RNF139: variants seen among roughly 807,000 people sequenced by gnomAD.
RNF139 encodes E3 ubiquitin-protein ligase RNF139.
Under a neutral mutation model 49.5 loss-of-function variants are expected in RNF139, and 15 were observed. The ratio of observed to expected loss-of-function variants is 0.30; its 90% confidence interval spans 0.20 to 0.47. The LOEUF is 0.47. Among genes scored for constraint, RNF139 ranks in the 20% least tolerant of loss-of-function variants. The probability of loss-of-function intolerance (pLI) is 1.00; values close to 1 mark genes in which losing one functional copy is unlikely to be tolerated. For missense variants in RNF139, 619 were observed against 806.3 expected, an observed-to-expected ratio of 0.77 and a Z score of 2.81; for synonymous variants, 325 against 300.9, an observed-to-expected ratio of 1.08 and a Z score of -0.83.
At position 124,486,830 on chromosome 8, in the gene RNF139, T is replaced by G. The variant is rs142948801; in HGVS notation, c.1181T>G (p.Phe394Cys). Residue 394 changes from phenylalanine to cysteine, a missense_variant, in exon 2 of 2, where the codon TTT becomes TGT. Phe to Cys is a radical substitution (Grantham distance 205, BLOSUM62 -2). Coordinates refer to ENST00000303545, the MANE Select transcript of RNF139 (RefSeq NM_007218.4). ...SSFRRHFPVL[F>C]VSACLFILPV... ...TTTCGTAGACATTTTCCTGTGCTGT[T>G]TGTCTCTGCTTGCCTGTTTATTCTT... 4.3e-5 allele frequency: 69 copies of G among 1,613,786 alleles called. No individual in the cohort carries two copies. Among genetic ancestry groups the G allele is most frequent in the Non-Finnish European group, 5.6e-5 (66 of 1,180,004 alleles).
intron 1 of RNF139, 60 bp from the exon 2 acceptor site, chr8:124,485,771 T>G (rs1053472229): frequency 2.2e-6 from 3 of 1,345,788 alleles, no homozygotes; most frequent in Non-Finnish European, 3.1e-6. Flanking sequence ...TCATAACTCT[T>G]AGTGGGGAAA....
intron 1 of RNF139, among the ~76,000 whole-genome samples, chr8:124,477,999 A>G (rs1221435931): frequency 6.6e-6 from 1 of 152,176 alleles, no homozygotes; most frequent in Non-Finnish European, 1.5e-5. Context: ...CTTCTATCAT[A>G]AGTGATTCAC....
intron 1 of RNF139, among the ~76,000 whole-genome samples, chr8:124,482,073 G>A (rs771009731): frequency 6.6e-6 from 1 of 152,036 alleles, no homozygotes; most frequent in Non-Finnish European, 1.5e-5. Context: ...ACATCTTGGG[G>A]GGTGTGATTT....
rs1211362950 is a variant in RNF139 at position 124,475,177 on chromosome 8, A to T, written c.68A>T (p.Glu23Val). Residue 23 changes from glutamate (E) to valine (V), a missense_variant, in exon 1 of 2, where the codon GAA (glutamate) becomes GTA (valine). By Grantham distance (121) the Glu-to-Val change is moderately radical. Around this residue, in one of 2 missense-constraint regions of RNF139, gnomAD observed 89 missense variants for 77.5 expected, o/e 1.15. Transcript: ENST00000303545. ...CATCAGCAGGTCTGGGCGGCGCTCG[A>T]AGTGGCGCTCCGGGTGCCCTGCCTT... ...MAHQQVWAAL[E>V]VALRVPCLYI... 2 of 1,613,236 alleles carry T rather than the reference A, an allele frequency of 1.2e-6. No individual in the cohort carries two copies. The highest frequency in any genetic ancestry group is 1.7e-6 in the Non-Finnish European group (2 of 1,179,690).
chr8:124,475,372 C>G (rs1289507484), intron 1 of RNF139, 82 bp downstream of exon 1: 1 of 1,402,532 alleles, frequency 7.1e-7, no homozygotes, highest in Non-Finnish European at 9.9e-7. Context: ...CGCGCAGAGG[C>G]CATGGGTCGA....
chr8:124,483,429 TTATTTAA>T (rs1816482945), intron 1 of RNF139: 1 of 151,694 alleles, frequency 6.6e-6, no homozygotes, highest in Admixed American at 6.6e-5. Flanking sequence ...GATTTTTATT[TTATTTAA>T]TATTTATTTA....
At chr8:124,476,231 G>A (rs978364836) in intron 1 of RNF139, among the ~76,000 whole-genome samples, 32 of 152,318 alleles carry the variant, frequency 2.1e-4, no homozygotes, top group African/African-American at 7.5e-4. Context: ...TTCAAAAGAG[G>A]AGTGGCAATA....
intron 1 of RNF139, among the ~76,000 whole-genome samples, chr8:124,481,046 TATTATA>T (rs1816399124): frequency 6.6e-6 from 1 of 152,164 alleles, no homozygotes; most frequent in Non-Finnish European, 1.5e-5. Flanking sequence ...AAAGCATACT[TATTATA>T]AGTTTAGTTT....
In RNF139 at chr8:124,483,075, ATT is replaced by A. The variant is rs1391361813; in HGVS notation, c.182-2754_182-2753del. On this transcript the variant is annotated intron_variant, in intron 1 of 1. Transcript: ENST00000303545. Reference sequence around the variant, plus strand: ...TATCTATTAAAAATATATATATATTATTTAAATATATATATATTTAAAAATAT... The same window carrying A: ...TATCTATTAAAAATATATATATATTATAAATATATATATATTTAAAAATAT... 4.4e-4 allele frequency among the ~76,000 whole-genome samples: 2 copies of A among 4,532 alleles called. 1 individual carries two copies. The highest frequency in any genetic ancestry group is 6.7e-4 in the Non-Finnish European group (2 of 2,964). The allele number at this position is 4,532 out of a possible 152,430, so 3.0% of individuals were successfully genotyped here. A position where few individuals can be genotyped will look rare whatever the true frequency, so the allele number is the denominator to read the frequency against.
rs200850581 is a variant in RNF139 at position 124,486,023 on chromosome 8, C to T, written c.374C>T (p.Ser125Leu). 83 of 1,614,144 alleles carry T rather than the reference C, an allele frequency of 5.1e-5. No homozygotes were observed. The highest frequency in any genetic ancestry group is 6.5e-5 in the Non-Finnish European group (77 of 1,179,986). ...GIELLPRKGP[S>L]LWMALIVLQL... The stretch of plus-strand genomic sequence containing the variant: ...GAGCTGCTTCCTCGAAAAGGTCCCT[C>T]GCTGTGGATGGCACTTATCGTTCTA... The change falls in exon 2 of 2, where the codon TCG becomes TTG. Residue 125 changes from serine (S) to leucine (L), a missense_variant. Physicochemically the swap from Ser to Leu is moderately radical, Grantham distance 145. Around this residue, in one of 2 missense-constraint regions of RNF139, gnomAD observed 530 missense variants for 728.9 expected, o/e 0.73. Coordinates refer to ENST00000303545, the MANE Select transcript of RNF139 (RefSeq NM_007218.4).
chr8:124,480,054 G>T (rs892140599), intron 1 of RNF139, among the ~76,000 whole-genome samples: 1 of 151,896 alleles, frequency 6.6e-6, no homozygotes, highest in Non-Finnish European at 1.5e-5. Flanking sequence ...GATCGCTTGG[G>T]CCTAGGAGTT....
Position 124,488,469 on chromosome 8 carries a change from G to A in RNF139, c.*825G>A. ...CGAGAAAAAGAAGGGGAATGGTGGG[G>A]AATGGTGTGTACCGATATATAGTAT... is the stretch of plus-strand genomic sequence containing the variant. On this transcript the variant is annotated 3_prime_UTR_variant, in exon 2 of 2. Transcript: ENST00000303545. 1.9e-6 allele frequency: 1 copy of A among 516,428 alleles called. No homozygotes were observed. Among genetic ancestry groups the A allele is most frequent in the East Asian group, 3.4e-5 (1 of 29,404 alleles). The allele number at this position is 516,428 out of a possible 1,614,324, so 32.0% of individuals were successfully genotyped here.
intron 1 of RNF139, among the ~76,000 whole-genome samples, chr8:124,483,742 T>A (rs1477763367): frequency 6.6e-6 from 1 of 152,118 alleles, no homozygotes; most frequent in Non-Finnish European, 1.5e-5. Context: ...GATGGATTTT[T>A]AATTTGGAGT....
rs568518998 is a variant in RNF139 at position 124,479,286 on chromosome 8, GAT to G, written c.181+3998_181+3999del. Among the ~76,000 whole-genome samples, 500 of 152,316 alleles carry G rather than the reference GAT, an allele frequency of 3.3e-3. 2 individuals carry two copies. Among genetic ancestry groups the G allele is most frequent in the Non-Finnish European group, 5.4e-3 (365 of 68,034 alleles). On this transcript the variant is annotated intron_variant, in intron 1 of 1. Transcript: ENST00000303545. The stretch of plus-strand genomic sequence containing the variant: ...CAATTCTAGGGAATTGGCCTAGAGA[GAT>G]AGTTTGCTTAAGGACTATGGGCAAG...
In RNF139 at chr8:124,487,586, AT is replaced by A; in HGVS notation, c.1938del (p.Asn646LysfsTer3). On this transcript the variant is annotated frameshift_variant, in exon 2 of 2. Coordinates refer to ENST00000303545, the MANE Select transcript of RNF139 (RefSeq NM_007218.4). LOFTEE classifies it high-confidence loss of function. ...GATGATGATGTTCAAAGAGAAAGAAATGGAGTGATTCAGCACACAGGCGCAG... is the reference window on the plus strand; with the variant it reads ...GATGATGATGTTCAAAGAGAAAGAAAGGAGTGATTCAGCACACAGGCGCAG... ...DCDDDVQRER[N>X]GVIQHTGAAA... 1 of 1,614,046 alleles carries A rather than the reference AT, an allele frequency of 6.2e-7. No individual in the cohort carries two copies. The highest frequency in any genetic ancestry group is 8.5e-7 in the Non-Finnish European group (1 of 1,179,932).
In RNF139 at chr8:124,475,286, C is replaced by G. The variant is rs142523795; in HGVS notation, c.177C>G (p.Leu59=). 6.2e-6 allele frequency: 10 copies of G among 1,612,858 alleles called. No homozygotes were observed. The African/African-American group carries it at 9.3e-5, about 15-fold the overall frequency. Reference sequence around the variant, plus strand: ...TCGTGCTCCAGATCTTCCTCCGGCTCTTTGGTAAGGGAACAGGGTACCGTA... The same window carrying G: ...TCGTGCTCCAGATCTTCCTCCGGCTGTTTGGTAAGGGAACAGGGTACCGTA... ...FCIVLQIFLR[L]FGVFASSIVL... Residue 59 remains leucine, a synonymous_variant, in exon 1 of 2, where the codon CTC becomes CTG. Coordinates refer to ENST00000303545, the MANE Select transcript of RNF139 (RefSeq NM_007218.4).
Position 124,486,604 on chromosome 8 carries a change from G to C in RNF139, c.955G>C (p.Asp319His), listed in dbSNP as rs947286369. The C allele has an allele frequency of 1.2e-6, 2 of 1,614,158 alleles. No individual in the cohort carries two copies. Among genetic ancestry groups the C allele is most frequent in the Non-Finnish European group, 1.7e-6 (2 of 1,180,018 alleles). The change falls in exon 2 of 2, where the codon GAT (aspartate) becomes CAT (histidine). Residue 319 changes from aspartate to histidine, a missense_variant. This residue lies in a region of RNF139 where 530 missense variants were observed against 728.9 expected (regional missense o/e 0.73). Transcript: ENST00000303545. ...ILAFIGSTEE[D>H]DRRLGFVAPV... ...GGCCTTTATTGGATCAACTGAGGAAGATGACAGGCGTCTTGGCTTTGTTGC... is the reference window on the plus strand; with the variant it reads ...GGCCTTTATTGGATCAACTGAGGAACATGACAGGCGTCTTGGCTTTGTTGC...
Position 124,487,472 on chromosome 8 carries a change from T to C in RNF139, c.1823T>C (p.Ile608Thr), listed in dbSNP as rs1816558135. ...AATGTATCTAACAACAATGGATTTATTCCACCCAATGAAACTCCAGAGGAA... is the reference window on the plus strand; with the variant it reads ...AATGTATCTAACAACAATGGATTTACTCCACCCAATGAAACTCCAGAGGAA... ...NSNVSNNNGF[I>T]PPNETPEEAV... Residue 608 changes from isoleucine to threonine, a missense_variant, in exon 2 of 2, where the codon ATT becomes ACT. This residue lies in a region of RNF139 where 530 missense variants were observed against 728.9 expected (regional missense o/e 0.73). Transcript: ENST00000303545. 1.9e-6 allele frequency: 3 copies of C among 1,614,102 alleles called. No homozygotes were observed. Among genetic ancestry groups the C allele is most frequent in the Non-Finnish European group, 2.5e-6 (3 of 1,179,986 alleles).
At chr8:124,484,167 C>T (rs117689716) in intron 1 of RNF139, among the ~76,000 whole-genome samples, 2,208 of 152,270 alleles carry the variant, frequency 0.015, 24 homozygotes, top group Middle Eastern at 0.031. Flanking sequence ...AATGTAAACA[C>T]TGCTGTAGCT....
Sources: allele counts gnomAD v4.1 joint callset (sites outside exome capture counted in the v4.1 genomes callset), GRCh38; gene constraint gnomAD v4.1.1; regional missense constraint gnomAD v4.1.1; transcripts MANE v1.5; gene names NCBI Gene and HGNC (gene_info 2026-07-23, HGNC 2026-07-21).